AGBL1: variants seen among roughly 807,000 people sequenced by gnomAD.
AGBL1 encodes the protein cytosolic carboxypeptidase 4.
AGBL1 carries 130 observed loss-of-function variants against 118.9 expected under a neutral mutation model. The observed-to-expected ratio is 1.09, with a 90% CI of 0.95 to 1.26. The LOEUF (loss-of-function observed/expected upper bound fraction) is 1.26. Among genes scored for constraint, AGBL1 ranks in the 50% most tolerant of loss-of-function variants. The pLI, the probability that AGBL1 is intolerant of heterozygous loss-of-function variation, is 0.00. For missense variants in AGBL1, 1,584 were observed against 1,298.1 expected (o/e 1.22, Z -3.38); for synonymous variants, 555 against 478.9 (o/e 1.16, Z -2.08).
At chr15:86,347,533 T>C (rs898549922) in intron 17 of AGBL1, among the ~76,000 whole-genome samples, 4 of 152,372 alleles carry the variant, frequency 2.6e-5, no homozygotes, top group South Asian at 2.1e-4. Flanking sequence ...ATGAACTTTT[T>C]CTAGCCACAG....
intron 22 of AGBL1, among the ~76,000 whole-genome samples, chr15:86,838,227 A>G (rs1431680342): frequency 1.3e-5 from 2 of 152,110 alleles, no homozygotes; most frequent in African/African-American, 4.8e-5. Flanking sequence ...GAAAGATTTT[A>G]CATTCTATTC....
intron 4 of AGBL1, among the ~76,000 whole-genome samples, chr15:86,156,140 C>T (rs936323553): frequency 7.9e-5 from 12 of 152,168 alleles, no homozygotes; most frequent in African/African-American, 2.4e-4. Context: ...AGACTGGTGT[C>T]GAACTCCTGA....
chr15:86,798,955 G>C (rs188117981), intron 22 of AGBL1, among the ~76,000 whole-genome samples: 1 of 152,006 alleles, frequency 6.6e-6, no homozygotes, highest in Admixed American at 6.6e-5. Context: ...GTCTTCATTT[G>C]GCATTCTGAG....
intron 23 of AGBL1, among the ~76,000 whole-genome samples, chr15:86,944,077 G>C (rs1046614097): frequency 1.3e-5 from 2 of 152,128 alleles, no homozygotes; most frequent in African/African-American, 4.8e-5. Flanking sequence ...TAAGAGTCAG[G>C]TGAAGAATGA....
intron 17 of AGBL1, among the ~76,000 whole-genome samples, chr15:86,393,831 C>T (rs182940646): frequency 6.6e-6 from 1 of 152,032 alleles, no homozygotes; most frequent in African/African-American, 2.4e-5. Context: ...AAGGTGGAAC[C>T]TTTGGAAGTT....
At chr15:86,845,193 C>G (rs969349011) in intron 22 of AGBL1, among the ~76,000 whole-genome samples, 21 of 151,980 alleles carry the variant, frequency 1.4e-4, no homozygotes, top group African/African-American at 4.8e-4. Context: ...TACAAAAGGT[C>G]TGTTGAGATT....
rs578005547 is a variant in AGBL1, at chr15:86,747,051, A to G, written c.3158+72615A>G. On this transcript the variant is annotated intron_variant, in intron 22 of 22. Coordinates refer to ENST00000614907, the MANE Select transcript of AGBL1 (RefSeq NM_001386094.1). ...GAAACTGGAAGTGAATAGGGATGATACCACCAATGTCTCAGCTTCACAGCC... is the reference window on the plus strand; with the variant it reads ...GAAACTGGAAGTGAATAGGGATGATGCCACCAATGTCTCAGCTTCACAGCC... Among the ~76,000 whole-genome samples the G allele has an allele frequency of 1.9e-4, 29 of 152,146 alleles. No individual in the cohort carries two copies. The South Asian group carries it at 6.0e-3, about 32-fold the overall frequency.
intron 17 of AGBL1, among the ~76,000 whole-genome samples, chr15:86,369,540 C>T (rs911545970): frequency 3.3e-5 from 5 of 152,042 alleles, no homozygotes; most frequent in Admixed American, 3.3e-4. Flanking sequence ...AACACAAAAT[C>T]AGTTGGTTAA....
chr15:86,780,033 A>G (rs561844171), intron 22 of AGBL1, among the ~76,000 whole-genome samples: 3 of 152,238 alleles, frequency 2.0e-5, no homozygotes, highest in African/African-American at 7.2e-5. Context: ...TTCTGCTCAT[A>G]TCCTATTTAA....
chr15:86,592,759 G>A (rs996750324), intron 21 of AGBL1, among the ~76,000 whole-genome samples: 2 of 152,164 alleles, frequency 1.3e-5, no homozygotes, highest in Non-Finnish European at 2.9e-5. Flanking sequence ...CCAGCTTCAC[G>A]TGTTTTCTAT....
At chr15:86,256,515 C>T (rs1378161134) in intron 7 of AGBL1, among the ~76,000 whole-genome samples, 1 of 152,242 alleles carries the variant, frequency 6.6e-6, no homozygotes, top group Non-Finnish European at 1.5e-5. Context: ...CCGGCCTCCT[C>T]TTCCCCCAGC....
Position 86,689,780 on chromosome 15 carries a change from A to T in AGBL1, c.3158+15344A>T, listed in dbSNP as rs115202394. On this transcript the variant is annotated intron_variant, in intron 22 of 22. Coordinates refer to ENST00000614907, the MANE Select transcript of AGBL1 (RefSeq NM_001386094.1). ...AACACATTAGGATAATATAATTGATATTTAAAAAAATCTTTACAGATTGAA... is the reference window on the plus strand; with the variant it reads ...AACACATTAGGATAATATAATTGATTTTTAAAAAAATCTTTACAGATTGAA... 3.5e-3 allele frequency among the ~76,000 whole-genome samples: 535 copies of T among 152,288 alleles called. 1 individual carries two copies. The highest frequency in any genetic ancestry group is 0.012 in the African/African-American group (502 of 41,578).
At chr15:86,921,947 A>G (rs555580909) in intron 23 of AGBL1, among the ~76,000 whole-genome samples, 5 of 152,250 alleles carry the variant, frequency 3.3e-5, no homozygotes, top group African/African-American at 9.6e-5. Context: ...TCCCACCTCC[A>G]TGTCCCTGGG....
intron 22 of AGBL1, among the ~76,000 whole-genome samples, chr15:86,858,036 C>T (rs1007565133): frequency 2.0e-5 from 3 of 152,162 alleles, no homozygotes; most frequent in African/African-American, 7.2e-5. Flanking sequence ...CTTCTTCACT[C>T]TGCCCACGTA....
intron 5 of AGBL1, among the ~76,000 whole-genome samples, chr15:86,213,087 T>C (rs1020806067): frequency 6.6e-6 from 1 of 152,238 alleles, no homozygotes; most frequent in Non-Finnish European, 1.5e-5. Context: ...CTTTGTGATA[T>C]GTACAAAAAT....
intron 1 of AGBL1, 92 bp downstream of exon 1, chr15:86,080,115 C>T (rs143978295): frequency 1.0e-6 from 1 of 1,000,098 alleles, no homozygotes; most frequent in Non-Finnish European, 1.3e-6. Context: ...TCCCCTCTGG[C>T]AGTCACTGGC....
intron 23 of AGBL1, among the ~76,000 whole-genome samples, chr15:86,923,133 C>T (rs980599084): frequency 2.0e-5 from 3 of 152,192 alleles, no homozygotes; most frequent in Non-Finnish European, 4.4e-5. Flanking sequence ...TCTATCTGCG[C>T]TCTCATCCCT....
At chr15:86,590,867 T>C (rs2084324335) in intron 21 of AGBL1, among the ~76,000 whole-genome samples, 1 of 152,238 alleles carries the variant, frequency 6.6e-6, no homozygotes, top group African/African-American at 2.4e-5. Context: ...TATATTCTGG[T>C]GTAAAACACT....
intron 22 of AGBL1, among the ~76,000 whole-genome samples, chr15:86,846,831 C>A (rs1417273726): frequency 6.6e-6 from 1 of 152,234 alleles, no homozygotes; most frequent in Non-Finnish European, 1.5e-5. Flanking sequence ...CACACCCAGC[C>A]AAATTTGGGT....
Sources: gnomAD v4.1 joint callset for allele counts (sites outside exome capture counted in the v4.1 genomes callset) on GRCh38, gnomAD v4.1.1 for gene constraint, MANE v1.5 for transcripts, NCBI Gene and HGNC (gene_info 2026-07-23, HGNC 2026-07-21) for gene names.